The following CPLX2 variants were observed in gnomAD, a reference collection of about 807,000 sequenced individuals.
CPLX2 encodes the protein complexin-2.
In CPLX2, 5 loss-of-function variants were observed where a neutral mutation model predicts 16.3. The ratio of observed to expected loss-of-function variants is 0.31; its 90% CI spans 0.16 to 0.64. CPLX2 has a LOEUF of 0.64. CPLX2 is among the 30% of genes least tolerant of loss of function. The pLI, the probability that CPLX2 is intolerant of heterozygous loss-of-function variation, is 0.79. For missense variants in CPLX2, 144 were observed against 181.4 expected (o/e 0.79, Z 1.18); for synonymous variants, 89 against 73.2 (o/e 1.22, Z -1.10).
At chr5:175,823,959 A>C (rs1758559693) in intron 2 of CPLX2, among the ~76,000 whole-genome samples, 1 of 152,168 alleles carries the variant, frequency 6.6e-6, no homozygotes, top group Admixed American at 6.5e-5. Context: ...GCTTTCAATA[A>C]TGCATGTCCT....
upstream of CPLX2, among the ~76,000 whole-genome samples, chr5:175,868,503 A>G (rs1759519138): frequency 1.3e-5 from 2 of 152,168 alleles, no homozygotes; most frequent in Non-Finnish European, 2.9e-5. Context: ...TCCAGTCAGG[A>G]TAAGTCACCT....
intron 3 of CPLX2, 147 bp from the exon 4 acceptor site, chr5:175,879,701 G>A: frequency 1.3e-6 from 1 of 766,030 alleles, no homozygotes; most frequent in East Asian, 2.7e-5. Flanking sequence ...CTACAGGGAA[G>A]ACACCCTTAT....
intron 2 of CPLX2, among the ~76,000 whole-genome samples, chr5:175,841,464 T>G (rs1041223712): frequency 6.6e-6 from 1 of 152,184 alleles, no homozygotes; most frequent in African/African-American, 2.4e-5. Flanking sequence ...AGCCTGAAGC[T>G]AGAATAGAGG....
intron 1 of CPLX2, among the ~76,000 whole-genome samples, chr5:175,798,166 T>C (rs776455901): frequency 6.6e-6 from 1 of 152,190 alleles, no homozygotes; most frequent in Non-Finnish European, 1.5e-5. Flanking sequence ...TACTAGCATA[T>C]GACCTTGGGC....
intron 2 of CPLX2, among the ~76,000 whole-genome samples, chr5:175,820,232 G>A (rs1413969810): frequency 1.3e-5 from 2 of 152,230 alleles, no homozygotes; most frequent in African/African-American, 4.8e-5. Context: ...GGGCCTTGTG[G>A]GGAGAAATCA....
chr5:175,865,520 C>T (rs191521245), intron 2 of CPLX2, among the ~76,000 whole-genome samples: 1 of 152,194 alleles, frequency 6.6e-6, no homozygotes, highest in Non-Finnish European at 1.5e-5. Context: ...CCTCCTAGAA[C>T]GGGAACAAAA....
At chr5:175,813,188 G>A (rs990375898) in intron 2 of CPLX2, among the ~76,000 whole-genome samples, 6 of 152,336 alleles carry the variant, frequency 3.9e-5, no homozygotes, top group East Asian at 1.9e-4. Flanking sequence ...CAAGTGATGC[G>A]TGTTAGAAAT....
intron 2 of CPLX2, among the ~76,000 whole-genome samples, chr5:175,852,338 G>T (rs1438749558): frequency 6.6e-6 from 1 of 152,212 alleles, no homozygotes; most frequent in East Asian, 1.9e-4. Context: ...TTTGAGAGTT[G>T]ACCTGCCTCT....
Position 175,878,514 on chromosome 5 carries a change from T to C in CPLX2, c.-88-138T>C, listed in dbSNP as rs530237247. On this transcript the variant is annotated intron_variant, in intron 1 of 3. Coordinates refer to ENST00000393745, the MANE Select transcript of CPLX2 (RefSeq NM_001008220.2). ...TCGCTCTCTTCCATCTCCTTTCTCC[T>C]CCAGCAGGGCATTGGGTCTTGACCT... 40 of 597,792 alleles carry C rather than the reference T, an allele frequency of 6.7e-5. 1 individual carries two copies. The East Asian group carries it at 7.0e-4, about 10-fold the overall frequency. The allele number at this position is 597,792 out of a possible 1,614,324, so 37.0% of individuals were successfully genotyped here. A position where few individuals can be genotyped will look rare whatever the true frequency, so the allele number is the denominator to read the frequency against.
At chr5:175,844,058 A>C (rs1477036122) in intron 2 of CPLX2, among the ~76,000 whole-genome samples, 5 of 152,232 alleles carry the variant, frequency 3.3e-5, no homozygotes, top group African/African-American at 1.2e-4. Context: ...CCACCCCAGC[A>C]TCACCTCACC....
chr5:175,799,675 C>A (rs1239755414), intron 1 of CPLX2, among the ~76,000 whole-genome samples: 1 of 149,192 alleles, frequency 6.7e-6, no homozygotes, highest in African/African-American at 2.5e-5. Flanking sequence ...ACCACCATGC[C>A]CAGCTATTTT....
chr5:175,869,269 G>C (rs1759535386), upstream of CPLX2, among the ~76,000 whole-genome samples: 1 of 152,238 alleles, frequency 6.6e-6, no homozygotes, highest in African/African-American at 2.4e-5. Flanking sequence ...TCTGCAGTGA[G>C]ACACAGTTCA....
At position 175,880,928 on chromosome 5, in the gene CPLX2, C is replaced by G. The variant is rs933158107; in HGVS notation, c.*883C>G. ...GCCCCCATTCCTATCCACCCCTCTCCCCACCCCGTCCTGTCCATGCGCTTC... is the reference window on the plus strand; with the variant it reads ...GCCCCCATTCCTATCCACCCCTCTCGCCACCCCGTCCTGTCCATGCGCTTC... On this transcript the variant is annotated 3_prime_UTR_variant, in exon 4 of 4. Coordinates refer to ENST00000393745, the MANE Select transcript of CPLX2 (RefSeq NM_001008220.2). 5.2e-5 allele frequency: 8 copies of G among 152,806 alleles called. No homozygotes were observed. Among genetic ancestry groups the G allele is most frequent in the African/African-American group, 1.9e-4 (8 of 41,458 alleles). The allele number at this position is 152,806 out of a possible 1,614,324, so 9.5% of individuals were successfully genotyped here. A position where few individuals can be genotyped will look rare whatever the true frequency, so the allele number is the denominator to read the frequency against.
At chr5:175,802,804 G>A (rs765311207) in intron 1 of CPLX2, among the ~76,000 whole-genome samples, 13 of 151,986 alleles carry the variant, frequency 8.6e-5, no homozygotes, top group Admixed American at 2.0e-4. Flanking sequence ...CTCAACAAAT[G>A]TGCTTCCTTC....
intron 2 of CPLX2, among the ~76,000 whole-genome samples, chr5:175,829,597 T>C (rs1166172494): frequency 6.6e-6 from 1 of 152,164 alleles, no homozygotes; most frequent in Non-Finnish European, 1.5e-5. Flanking sequence ...ATTCCATCAA[T>C]CTAAGTCTCT....
chr5:175,845,794 A>G lies in CPLX2; in HGVS notation c.-88-32858A>G, dbSNP rs968768197. On this transcript the variant is annotated intron_variant, in intron 2 of 4. Coordinates refer to the CPLX2 transcript ENST00000359546. The surrounding 1 kb of genome is among the most constrained non-coding windows in gnomAD (Gnocchi z 4.0). ...GTGGCTGTCAGATAACAGAGGCAGAACTTACACCCAGGCCTTTGGGCTGCT... is the reference window on the plus strand; with the variant it reads ...GTGGCTGTCAGATAACAGAGGCAGAGCTTACACCCAGGCCTTTGGGCTGCT... Among the ~76,000 whole-genome samples, 9 of 152,092 alleles carry G rather than the reference A, an allele frequency of 5.9e-5. No individual in the cohort carries two copies. The highest frequency in any genetic ancestry group is 2.2e-4 in the African/African-American group (9 of 41,416).
intron 2 of CPLX2, among the ~76,000 whole-genome samples, chr5:175,860,138 C>A (rs1463301620): frequency 1.3e-5 from 2 of 152,194 alleles, no homozygotes; most frequent in Non-Finnish European, 2.9e-5. Flanking sequence ...CAGGTGGTGG[C>A]AAACCAGTCA....
intron 2 of CPLX2, among the ~76,000 whole-genome samples, chr5:175,865,427 G>A (rs1007946380): frequency 4.6e-5 from 7 of 152,118 alleles, no homozygotes; most frequent in African/African-American, 9.7e-5. Flanking sequence ...AAATGTAGGC[G>A]ACACCATAGA....
chr5:175,848,608 G>C (rs1759094756), intron 2 of CPLX2, among the ~76,000 whole-genome samples: 1 of 152,200 alleles, frequency 6.6e-6, no homozygotes, highest in Non-Finnish European at 1.5e-5. Flanking sequence ...CCTACTCCTA[G>C]AGAAAAGTCA....
Sources: allele counts gnomAD v4.1 joint callset (sites outside exome capture counted in the v4.1 genomes callset), GRCh38; gene constraint gnomAD v4.1.1; non-coding constraint Gnocchi (gnomAD v3.1); transcripts MANE v1.5; gene names NCBI Gene and HGNC (gene_info 2026-07-23, HGNC 2026-07-21).